Variants in ADAMTS5 observed in about 807,000 individuals in gnomAD.
ADAMTS5 encodes the protein A disintegrin and metalloproteinase with thrombospondin motifs 5.
ADAMTS5 carries 54 observed loss-of-function variants against 81.4 expected under a neutral mutation model. The ratio of observed to expected loss-of-function variants is 0.66; its 90% CI spans 0.53 to 0.83. The LOEUF (loss-of-function observed/expected upper bound fraction) is 0.83, where lower values mean the gene tolerates loss of function less well. Among genes scored for constraint, ADAMTS5 ranks in the 40% least tolerant of loss-of-function variants. The probability of loss-of-function intolerance (pLI) is 0.00; values close to 1 mark genes in which losing one functional copy is unlikely to be tolerated. For missense variants in ADAMTS5, 1,194 were observed against 1,229.9 expected (o/e 0.97, Z 0.44); for synonymous variants, 532 against 508.8 (o/e 1.05, Z -0.61).
rs753883871 is a variant in ADAMTS5, at chr21:26,934,682, G to A, written c.1473C>T (p.Tyr491=). 59 of 1,614,078 alleles carry A rather than the reference G, an allele frequency of 3.7e-5. No homozygotes were observed. Among genetic ancestry groups the A allele is most frequent in the Middle Eastern group, 1.6e-4 (1 of 6,084 alleles). The change falls in exon 4 of 8, where the codon TAC becomes TAT. Residue 491 remains tyrosine, a synonymous_variant. Transcript: ENST00000284987. ...TCAGGTTGCACTGCTGGGTGGCATC[G>A]TAGGTCTGTCCTGGGAGTTCTTCGG... The part of the protein sequence containing the change: ...LGPEELPGQT[Y]DATQQCNLTF...
In ADAMTS5 at chr21:26,965,318, G is replaced by A; in HGVS notation, c.1074C>T (p.His358=). Residue 358 remains histidine (H), a synonymous_variant, in exon 1 of 8, where the codon CAC becomes CAT. Transcript: ENST00000284987. Reference sequence around the variant, plus strand: ...GAGTAAACAGGATAGCTGCATCGTAGTGCTCCTCATGGTCATCTCCCAGCT... The same window carrying A: ...GAGTAAACAGGATAGCTGCATCGTAATGCTCCTCATGGTCATCTCCCAGCT... ...HNQLGDDHEE[H]YDAAILFTRE... is the part of the protein sequence containing the mutation. The A allele has an allele frequency of 1.9e-6, 3 of 1,614,128 alleles. No individual in the cohort carries two copies. The South Asian group carries it at 3.3e-5, about 18-fold the overall frequency.
At chr21:26,952,421 T>C (rs982670125) in intron 2 of ADAMTS5, among the ~76,000 whole-genome samples, 1 of 152,246 alleles carries the variant, frequency 6.6e-6, no homozygotes, top group African/African-American at 2.4e-5. Context: ...CCTCTCAGAC[T>C]GCTGCATCAG....
rs1021067209 is a variant in ADAMTS5, at chr21:26,918,428, T to C, written c.*5625A>G. 2 of 152,170 alleles carry C rather than the reference T, an allele frequency of 1.3e-5. No homozygotes were observed. Among genetic ancestry groups the C allele is most frequent in the Non-Finnish European group, 2.9e-5 (2 of 67,926 alleles). The allele number at this position is 152,170 out of a possible 1,614,324, so 9.4% of individuals were successfully genotyped here. On this transcript the variant is annotated 3_prime_UTR_variant, in exon 8 of 8. Coordinates refer to ENST00000284987, the MANE Select transcript of ADAMTS5 (RefSeq NM_007038.5). ...ATATAGAAACCAAATATTTATGCAA[T>C]TGCTTCTATCAAATGCAACATATTT... is the stretch of plus-strand genomic sequence containing the variant.
At chr21:26,937,080 A>G (rs1005624284) in intron 3 of ADAMTS5, among the ~76,000 whole-genome samples, 1 of 152,264 alleles carries the variant, frequency 6.6e-6, no homozygotes, top group Non-Finnish European at 1.5e-5. Flanking sequence ...GTGTGCATGC[A>G]CATGGCATGG....
chr21:26,924,155 G>T lies in ADAMTS5; in HGVS notation c.2691C>A (p.Thr897=). The part of the protein sequence containing the change: ...CSRTCDTGWH[T]RTVQCQDGNR... ...TTCCATCCTGGCACTGCACCGTTCT[G>T]GTGTGCCAACCTGTGTCACAGGTCC... Residue 897 remains threonine, a synonymous_variant, in exon 8 of 8, where the codon ACC becomes ACA. Coordinates refer to ENST00000284987, the MANE Select transcript of ADAMTS5 (RefSeq NM_007038.5). The T allele has an allele frequency of 6.2e-7, 1 of 1,614,102 alleles. No individual in the cohort carries two copies. The highest frequency in any genetic ancestry group is 8.5e-7 in the Non-Finnish European group (1 of 1,179,962).
chr21:26,965,727 G>A lies in ADAMTS5; in HGVS notation c.665C>T (p.Ala222Val). 6.3e-7 allele frequency: 1 copy of A among 1,590,766 alleles called. No homozygotes were observed. The highest frequency in any genetic ancestry group is 8.5e-7 in the Non-Finnish European group (1 of 1,170,062). ...PASTPEAHEH[A>V]PAHSNPSGRA... ...TCCGCTCGGGTTGCTGTGCGCCGGA[G>A]CATGCTCGTGGGCCTCCGGTGTGGA... The change falls in exon 1 of 8, where the codon GCT (alanine) becomes GTT (valine). Residue 222 changes from alanine (A) to valine (V), a missense_variant. This residue lies in a region of ADAMTS5 where 498 missense variants were observed against 412.3 expected (regional missense o/e 1.21). Transcript: ENST00000284987.
At chr21:26,959,847 C>T (rs934805642) in intron 1 of ADAMTS5, among the ~76,000 whole-genome samples, 8 of 152,088 alleles carry the variant, frequency 5.3e-5, no homozygotes, top group African/African-American at 1.9e-4. Flanking sequence ...TGAATTATAA[C>T]CCGAGACTTC....
intron 1 of ADAMTS5, among the ~76,000 whole-genome samples, chr21:26,959,461 C>G (rs1406386177): frequency 6.6e-6 from 1 of 152,162 alleles, no homozygotes; most frequent in Non-Finnish European, 1.5e-5. Flanking sequence ...AAACCTGTAT[C>G]TAAACACTCA....
chr21:26,960,935 C>A (rs1193550409), intron 1 of ADAMTS5, among the ~76,000 whole-genome samples: 1 of 152,214 alleles, frequency 6.6e-6, no homozygotes, highest in Non-Finnish European at 1.5e-5. Flanking sequence ...TCTTCTAATG[C>A]ACTTCCATAA....
chr21:26,932,844 A>T lies in ADAMTS5; in HGVS notation c.1873+17T>A, dbSNP rs201774694. 1 of 1,590,144 alleles carries T rather than the reference A, an allele frequency of 6.3e-7. No individual in the cohort carries two copies. The highest frequency in any genetic ancestry group is 8.5e-7 in the Non-Finnish European group (1 of 1,170,950). The stretch of plus-strand genomic sequence containing the variant: ...CATGTAGCATATGATGGTTGCTGAC[A>T]CTTGGGAGCAGCGTACCATTGGGTG... On this transcript the variant is annotated intron_variant, in intron 5 of 7. Transcript: ENST00000284987.
chr21:26,929,840 A>C (rs1986872405), intron 7 of ADAMTS5, 46 bp downstream of exon 7: 1 of 1,577,182 alleles, frequency 6.3e-7, no homozygotes, highest in South Asian at 1.2e-5. Context: ...GCAAGAGTCT[A>C]AAGCTTTGTT....
Position 26,919,176 on chromosome 21 carries a change from G to A in ADAMTS5, c.*4877C>T, listed in dbSNP as rs1305362389. 2 of 151,066 alleles carry A rather than the reference G, an allele frequency of 1.3e-5. No individual in the cohort carries two copies. The highest frequency in any genetic ancestry group is 1.9e-4 in the East Asian group (1 of 5,156). The allele number at this position is 151,066 out of a possible 1,614,324, so 9.4% of individuals were successfully genotyped here. A position where few individuals can be genotyped will look rare whatever the true frequency, so the allele number is the denominator to read the frequency against. The stretch of plus-strand genomic sequence containing the variant: ...TAAAAATTAGAATTGTTCATTGGGT[G>A]TGCCAAAGGAAAGTGGAAAAAAATT... On this transcript the variant is annotated 3_prime_UTR_variant, in exon 8 of 8. Coordinates refer to ENST00000284987, the MANE Select transcript of ADAMTS5 (RefSeq NM_007038.5).
rs903634825 is a variant in ADAMTS5 at position 26,922,554 on chromosome 21, T to C, written c.*1499A>G. 2.0e-5 allele frequency: 3 copies of C among 152,168 alleles called. No individual in the cohort carries two copies. Among genetic ancestry groups the C allele is most frequent in the South Asian group, 2.1e-4 (1 of 4,820 alleles). The allele number at this position is 152,168 out of a possible 1,614,324, so 9.4% of individuals were successfully genotyped here. A position where few individuals can be genotyped will look rare whatever the true frequency, so the allele number is the denominator to read the frequency against. Reference sequence around the variant, plus strand: ...AGAAATCCCAAAGAAATCAAACAACTTAGATTTTCTAAGTTGTGAGGTTGG... The same window carrying C: ...AGAAATCCCAAAGAAATCAAACAACCTAGATTTTCTAAGTTGTGAGGTTGG... On this transcript the variant is annotated 3_prime_UTR_variant, in exon 8 of 8. Coordinates refer to ENST00000284987, the MANE Select transcript of ADAMTS5 (RefSeq NM_007038.5).
chr21:26,963,751 A>G (rs922725741), intron 1 of ADAMTS5, among the ~76,000 whole-genome samples: 8 of 150,612 alleles, frequency 5.3e-5, no homozygotes, highest in African/African-American at 1.9e-4. Flanking sequence ...AGAAGGCTAC[A>G]AATGAATGTT....
intron 2 of ADAMTS5, among the ~76,000 whole-genome samples, chr21:26,951,412 C>T (rs1006838984): frequency 3.9e-5 from 6 of 151,982 alleles, no homozygotes; most frequent in Non-Finnish European, 7.4e-5. Flanking sequence ...GCATTCAAAA[C>T]GTCATTTTCA....
chr21:26,926,891 A>G (rs1986815412), intron 7 of ADAMTS5, among the ~76,000 whole-genome samples: 1 of 152,186 alleles, frequency 6.6e-6, no homozygotes, highest in Non-Finnish European at 1.5e-5. Flanking sequence ...CTTGTTCCTT[A>G]GAGCTTATCT....
chr21:26,941,791 G>A (rs229049), intron 3 of ADAMTS5, among the ~76,000 whole-genome samples: 47,357 of 151,822 alleles, frequency 0.31, 7,814 homozygotes, highest in South Asian at 0.42. Context: ...GCAATATTAT[G>A]CGTGGAGACT....
rs976317219 is a variant in ADAMTS5 at position 26,919,625 on chromosome 21, C to T, written c.*4428G>A. The T allele has an allele frequency of 6.6e-6, 1 of 151,940 alleles. No individual in the cohort carries two copies. The highest frequency in any genetic ancestry group is 2.4e-5 in the African/African-American group (1 of 41,390). 9.4% of individuals were successfully genotyped at this position (151,940 alleles called of 1,614,324 possible). Reference sequence around the variant, plus strand: ...CACTACCTGTATTCCAATTTTTTGGCTAATGCATGGTTTTGTATTTCAATA... The same window carrying T: ...CACTACCTGTATTCCAATTTTTTGGTTAATGCATGGTTTTGTATTTCAATA... On this transcript the variant is annotated 3_prime_UTR_variant, in exon 8 of 8. Coordinates refer to ENST00000284987, the MANE Select transcript of ADAMTS5 (RefSeq NM_007038.5).
Position 26,943,459 on chromosome 21 carries a change from G to A in ADAMTS5, c.1326C>T (p.Ile442=). The A allele has an allele frequency of 1.2e-6, 2 of 1,613,732 alleles. No homozygotes were observed. The highest frequency in any genetic ancestry group is 1.7e-6 in the Non-Finnish European group (2 of 1,179,766). The change falls in exon 3 of 8, where the codon ATC becomes ATT. Residue 442 remains isoleucine, a synonymous_variant. Transcript: ENST00000284987. ...STEDKRLMSS[I]LTSIDASKPW... is the part of the protein sequence containing the mutation. Reference sequence around the variant, plus strand: ...GCTTAGATGCATCAATGCTGGTAAGGATGGAAGACATTAAGCGCTTATCTT... The same window carrying A: ...GCTTAGATGCATCAATGCTGGTAAGAATGGAAGACATTAAGCGCTTATCTT...
Sources: allele counts gnomAD v4.1 joint callset (sites outside exome capture counted in the v4.1 genomes callset), GRCh38; gene constraint gnomAD v4.1.1; regional missense constraint gnomAD v4.1.1; transcripts MANE v1.5; gene names NCBI Gene and HGNC (gene_info 2026-07-23, HGNC 2026-07-21).